Variants in URI1 observed in about 807,000 individuals in gnomAD.
The protein encoded by URI1 is URI1 prefoldin like chaperone.
Under a neutral mutation model 60.2 loss-of-function variants are expected in URI1, and 39 were observed. That is an observed-to-expected ratio of 0.65 (90% CI 0.50 to 0.85). The LOEUF (loss-of-function observed/expected upper bound fraction) is 0.85, where lower values mean the gene tolerates loss of function less well. Ranked by LOEUF, URI1 falls within the 40% of genes least tolerant of loss-of-function variation. The pLI, the probability that URI1 is intolerant of heterozygous loss-of-function variation, is 0.00. For missense variants in URI1, 691 were observed against 665.9 expected (o/e 1.04, Z -0.42); for synonymous variants, 251 against 236.8 (o/e 1.06, Z -0.55).
rs769137217 is a variant in URI1 at position 30,007,472 on chromosome 19, A to G, written c.520A>G (p.Lys174Glu). Residue 174 changes from lysine (K) to glutamate (E), a missense_variant and splice_region_variant, in exon 7 of 11, where the codon AAA becomes GAA. Coordinates refer to ENST00000392271, the MANE Select transcript of URI1 (RefSeq NM_003796.3). ...EIKCDFEFKAKHRIAHKPHSK... is the reference protein window; with the variant it reads ...EIKCDFEFKAEHRIAHKPHSK... ...CGTCTTTTCCTTTTTCTAAATAGCA[A>G]AACACCGAATTGCTCATAAACCGCA... is the stretch of plus-strand genomic sequence containing the variant. The G allele has an allele frequency of 2.7e-5, 44 of 1,612,326 alleles. No homozygotes were observed. The highest frequency in any genetic ancestry group is 8.4e-5 in the Admixed American group (5 of 59,848).
chr19:30,016,361 C>G lies in URI1; in HGVS notation c.*1292C>G, dbSNP rs534527085. The G allele has an allele frequency of 6.6e-6, 1 of 152,192 alleles. No individual in the cohort carries two copies. The highest frequency in any genetic ancestry group is 1.5e-5 in the Non-Finnish European group (1 of 67,944). 9.4% of individuals were successfully genotyped at this position (152,192 alleles called of 1,614,324 possible). A position where few individuals can be genotyped will look rare whatever the true frequency, so the allele number is the denominator to read the frequency against. ...GATCACCTAAAAATGTAGATTTGTTCTTTAGTAAATTTAGATCAACTATGC... is the reference window on the plus strand; with the variant it reads ...GATCACCTAAAAATGTAGATTTGTTGTTTAGTAAATTTAGATCAACTATGC... On this transcript the variant is annotated 3_prime_UTR_variant, in exon 11 of 11. Coordinates refer to ENST00000392271, the MANE Select transcript of URI1 (RefSeq NM_003796.3).
chr19:29,993,301 C>T (rs950040690), intron 4 of URI1, among the ~76,000 whole-genome samples: 1 of 152,066 alleles, frequency 6.6e-6, no homozygotes, highest in Admixed American at 6.6e-5. Context: ...GAGTGGTGAC[C>T]TAGAGGCAAT....
chr19:29,964,093 A>G (rs1327063691), intron 1 of URI1, among the ~76,000 whole-genome samples: 1 of 152,140 alleles, frequency 6.6e-6, no homozygotes, highest in Non-Finnish European at 1.5e-5. Flanking sequence ...TCTGCTAGCC[A>G]TGGCTGTCTC....
chr19:29,951,464 G>A (rs751384516), intron 1 of URI1, among the ~76,000 whole-genome samples: 14 of 151,596 alleles, frequency 9.2e-5, no homozygotes, highest in Admixed American at 2.0e-4. Flanking sequence ...CAAGTTGAGA[G>A]TGATGTGATT....
intron 1 of URI1, among the ~76,000 whole-genome samples, chr19:29,951,913 C>A (rs186732436): frequency 3.3e-3 from 508 of 152,196 alleles, no homozygotes; most frequent in Non-Finnish European, 4.2e-3. Context: ...CCAGGCTTGC[C>A]CTGTAGTTTG....
intron 1 of URI1, among the ~76,000 whole-genome samples, chr19:29,965,107 T>C: frequency 6.6e-6 from 1 of 152,202 alleles, no homozygotes; most frequent in Admixed American, 6.5e-5. Flanking sequence ...TTGTTTCCTG[T>C]ACCAGCTGCT....
intron 9 of URI1, 54 bp from the exon 10 acceptor site, chr19:30,012,231 T>C: frequency 6.6e-7 from 1 of 1,505,796 alleles, no homozygotes; most frequent in Non-Finnish European, 8.9e-7. Flanking sequence ...AAAAAGTTGT[T>C]CTCAGTTTTA....
chr19:29,949,447 C>G (rs1467054733), intron 1 of URI1, among the ~76,000 whole-genome samples: 1 of 151,970 alleles, frequency 6.6e-6, no homozygotes, highest in African/African-American at 2.4e-5. Context: ...GGCAGAGGGG[C>G]TCCTCACATC....
At chr19:29,954,220 A>G (rs1323777025) in intron 1 of URI1, among the ~76,000 whole-genome samples, 3 of 152,240 alleles carry the variant, frequency 2.0e-5, no homozygotes, top group Non-Finnish European at 4.4e-5. Context: ...GTAAAGTTCA[A>G]AATGTCTTTG....
chr19:29,999,810 C>A lies in URI1; in HGVS notation c.368-5551C>A, dbSNP rs999074956. 5.3e-4 allele frequency among the ~76,000 whole-genome samples: 81 copies of A among 151,892 alleles called. 1 individual carries two copies. Among genetic ancestry groups the A allele is most frequent in the Admixed American group, 3.9e-4 (6 of 15,252 alleles). On this transcript the variant is annotated intron_variant, in intron 4 of 10. Coordinates refer to ENST00000392271, the MANE Select transcript of URI1 (RefSeq NM_003796.3). ...GATAGATGTATATAGCTTTAAATAA[C>A]CACAAACCATCTTAAGACGTTATTT...
chr19:30,000,072 T>A (rs2055859216), intron 4 of URI1, among the ~76,000 whole-genome samples: 1 of 151,994 alleles, frequency 6.6e-6, no homozygotes, highest in Non-Finnish European at 1.5e-5. Flanking sequence ...TCTCTGCTTC[T>A]CTAATCTTTT....
chr19:29,983,909 CT>C (rs2055628665), intron 2 of URI1, among the ~76,000 whole-genome samples: 1 of 152,166 alleles, frequency 6.6e-6, no homozygotes, highest in African/African-American at 2.4e-5. Flanking sequence ...AAGAAACAGA[CT>C]CCTAGGCCAA....
At chr19:29,957,824 A>G (rs1383537069) in intron 1 of URI1, among the ~76,000 whole-genome samples, 1 of 151,592 alleles carries the variant, frequency 6.6e-6, no homozygotes, top group Non-Finnish European at 1.5e-5. Context: ...AAGTATATAA[A>G]TCTTCATGTG....
chr19:29,983,310 G>A (rs911565387), intron 2 of URI1: 6 of 151,992 alleles, frequency 3.9e-5, no homozygotes, highest in Non-Finnish European at 1.5e-5. Context: ...CTTCTACTTT[G>A]TCTTCTGTAA....
chr19:29,942,179 C>A, upstream of URI1: 1 of 978,234 alleles, frequency 1.0e-6, no homozygotes, highest in South Asian at 4.7e-5. Context: ...CCTGCGCGAG[C>A]TGGGCGTGTC....
chr19:29,925,308 CT>C (rs775422705), intron 1 of URI1, among the ~76,000 whole-genome samples: 1 of 152,176 alleles, frequency 6.6e-6, no homozygotes, highest in Non-Finnish European at 1.5e-5. Context: ...GGCAGGAACT[CT>C]TTTTTCCCTT....
intron 8 of URI1, among the ~76,000 whole-genome samples, chr19:30,010,781 T>C (rs77507149): frequency 0.021 from 3,160 of 152,324 alleles, 105 homozygotes; most frequent in African/African-American, 0.071. Context: ...CAAACACTTA[T>C]ATCAAAGGAA....
At chr19:29,988,527 G>A (rs751904785) in intron 4 of URI1, among the ~76,000 whole-genome samples, 15 of 152,052 alleles carry the variant, frequency 9.9e-5, no homozygotes, top group East Asian at 1.9e-4. Flanking sequence ...AAGGATTGAC[G>A]ACTTCACGTC....
chr19:29,992,383 TTA>T (rs1275910897), intron 4 of URI1, among the ~76,000 whole-genome samples: 1 of 152,240 alleles, frequency 6.6e-6, no homozygotes, highest in Non-Finnish European at 1.5e-5. Context: ...AGTGAGTTTC[TTA>T]TAGGCAGCAT....
Sources: gnomAD v4.1 joint callset for allele counts (sites outside exome capture counted in the v4.1 genomes callset) on GRCh38, gnomAD v4.1.1 for gene constraint, MANE v1.5 for transcripts, NCBI Gene and HGNC (gene_info 2026-07-23, HGNC 2026-07-21) for gene names.